Variants in USP37 observed in about 807,000 individuals in gnomAD.
USP37 encodes the protein ubiquitin carboxyl-terminal hydrolase 37.
Under a neutral mutation model 124.0 loss-of-function variants are expected in USP37, and 27 were observed. That is an observed-to-expected ratio of 0.22 (90% CI 0.16 to 0.30). The LOEUF (loss-of-function observed/expected upper bound fraction) is 0.30, where lower values mean the gene tolerates loss of function less well. USP37 is among the 10% of genes least tolerant of loss of function. The pLI is 1.00. For missense variants in USP37, 889 were observed against 1,140.4 expected (o/e 0.78, Z 3.17); for synonymous variants, 365 against 388.0 (o/e 0.94, Z 0.70).
At chr2:218,565,719 G>A (rs1049750269) in intron 1 of USP37, among the ~76,000 whole-genome samples, 4 of 152,206 alleles carry the variant, frequency 2.6e-5, no homozygotes, top group African/African-American at 9.6e-5. Flanking sequence ...TCTAATAGGA[G>A]ACAGACTTTA....
intron 1 of USP37, among the ~76,000 whole-genome samples, chr2:218,566,075 A>G (rs1470498951): frequency 1.3e-5 from 2 of 152,150 alleles, no homozygotes; most frequent in Non-Finnish European, 2.9e-5. Flanking sequence ...CAATAATTAC[A>G]AGTTCTGAGA....
In USP37 at chr2:218,506,963, A is replaced by AT. The variant is rs550063657; in HGVS notation, c.1025+3015dup. On this transcript the variant is annotated intron_variant, in intron 11 of 25. Transcript: ENST00000258399. ...AGGCACCCGCCACCACATCCAGCTA[A>AT]TTTTTTTGTATTTTTAGTAGAGACA... 2.5e-3 allele frequency among the ~76,000 whole-genome samples: 374 copies of AT among 151,524 alleles called. 3 individuals carry two copies. Among genetic ancestry groups the AT allele is most frequent in the African/African-American group, 8.5e-3 (351 of 41,326 alleles).
chr2:218,550,588 TTAAAC>T, intron 5 of USP37, among the ~76,000 whole-genome samples: 1 of 150,766 alleles, frequency 6.6e-6, no homozygotes, highest in East Asian at 1.9e-4. Context: ...ACATACAATT[TTAAAC>T]TAAACTGACA....
intron 8 of USP37, among the ~76,000 whole-genome samples, chr2:218,544,158 T>C (rs1467778276): frequency 6.6e-6 from 1 of 151,774 alleles, no homozygotes; most frequent in Non-Finnish European, 1.5e-5. Flanking sequence ...GGCGGGCAGA[T>C]CACTTGAGGT....
chr2:218,463,428 A>T (rs1690135210), intron 21 of USP37, 62 bp from the exon 22 acceptor site: 1 of 1,471,926 alleles, frequency 6.8e-7, no homozygotes, highest in African/African-American at 1.4e-5. Context: ...TTACTTAATG[A>T]GGATAAAATC....
intron 10 of USP37, among the ~76,000 whole-genome samples, chr2:218,518,033 G>A (rs183935939): frequency 6.6e-6 from 1 of 151,658 alleles, no homozygotes; most frequent in Non-Finnish European, 1.5e-5. Flanking sequence ...ACAGCTCATT[G>A]CAGTTTTGAC....
chr2:218,524,671 GCGTTTTCGGCTCACTGCAACCT>G (rs1690856088), intron 10 of USP37, among the ~76,000 whole-genome samples: 1 of 152,094 alleles, frequency 6.6e-6, no homozygotes, highest in South Asian at 2.1e-4. Flanking sequence ...GTGCAGTGGC[GCGTTTTCGGCTCACTGCAACCT>G]CTGCCTCCTG....
At chr2:218,563,068 CAGG>C (rs1443434943) in intron 1 of USP37, among the ~76,000 whole-genome samples, 8 of 150,020 alleles carry the variant, frequency 5.3e-5, no homozygotes, top group African/African-American at 2.0e-4. Flanking sequence ...GAGGCTGAGG[CAGG>C]AGAATTGCTT....
chr2:218,551,514 C>G (rs924732026), intron 5 of USP37, among the ~76,000 whole-genome samples: 3 of 152,200 alleles, frequency 2.0e-5, no homozygotes, highest in African/African-American at 7.2e-5. Flanking sequence ...AGTGACTTAC[C>G]TAAAACCACA....
intron 11 of USP37, among the ~76,000 whole-genome samples, chr2:218,505,072 T>C (rs959080828): frequency 1.3e-5 from 2 of 152,182 alleles, no homozygotes; most frequent in Non-Finnish European, 2.9e-5. Flanking sequence ...TAGAGTGCAG[T>C]GGTGTGACCA....
intron 4 of USP37, among the ~76,000 whole-genome samples, chr2:218,556,396 T>C (rs1692975018): frequency 1.3e-5 from 2 of 152,136 alleles, no homozygotes; most frequent in South Asian, 4.1e-4. Flanking sequence ...AACTTCTATT[T>C]ATTCTTTGAA....
In USP37 at chr2:218,450,712, G is replaced by A. The variant is rs1407972083; in HGVS notation, c.*4218C>T. ...TTAGTTGACTGTTCTTCTTTGTTCT[G>A]GCATCTGACTGGACCAACCTGGAAC... On this transcript the variant is annotated 3_prime_UTR_variant, in exon 26 of 26. Coordinates refer to ENST00000258399, the MANE Select transcript of USP37 (RefSeq NM_020935.3). 6.6e-6 allele frequency: 1 copy of A among 152,122 alleles called. No individual in the cohort carries two copies. The highest frequency in any genetic ancestry group is 6.6e-5 in the Admixed American group (1 of 15,250). 9.4% of individuals were successfully genotyped at this position (152,122 alleles called of 1,614,324 possible). A position where few individuals can be genotyped will look rare whatever the true frequency, so the allele number is the denominator to read the frequency against.
chr2:218,518,473 A>T (rs369819704), intron 10 of USP37, among the ~76,000 whole-genome samples: 2 of 152,324 alleles, frequency 1.3e-5, no homozygotes, highest in African/African-American at 4.8e-5. Context: ...GTATTTAATC[A>T]AATCTAAGAT....
At chr2:218,506,001 C>G (rs1158241385) in intron 11 of USP37, among the ~76,000 whole-genome samples, 1 of 151,656 alleles carries the variant, frequency 6.6e-6, no homozygotes, top group African/African-American at 2.4e-5. Flanking sequence ...GTATCTGGGA[C>G]CAGAGGTGCA....
chr2:218,461,968 C>T (rs1426239068), intron 22 of USP37, among the ~76,000 whole-genome samples: 2 of 152,132 alleles, frequency 1.3e-5, no homozygotes, highest in Admixed American at 1.3e-4. Context: ...ACCTGCCTGG[C>T]CAACATGGTG....
intron 1 of USP37, among the ~76,000 whole-genome samples, chr2:218,564,737 CTTG>C (rs1693493982): frequency 6.6e-6 from 1 of 152,128 alleles, no homozygotes; most frequent in African/African-American, 2.4e-5. Flanking sequence ...ATAACAAACA[CTTG>C]TTAAGTGCTA....
intron 11 of USP37, among the ~76,000 whole-genome samples, chr2:218,507,305 G>A (rs940852593): frequency 2.2e-4 from 34 of 151,770 alleles, no homozygotes; most frequent in African/African-American, 8.2e-4. Context: ...TTACAAGCTT[G>A]TGCCACCATG....
At chr2:218,456,256 T>C (rs1689691892) in intron 24 of USP37, among the ~76,000 whole-genome samples, 1 of 151,260 alleles carries the variant, frequency 6.6e-6, no homozygotes, top group Non-Finnish European at 1.5e-5. Context: ...TGAAACCAGC[T>C]TGGGCAACAA....
intron 10 of USP37, among the ~76,000 whole-genome samples, chr2:218,511,655 G>A (rs902635761): frequency 2.0e-5 from 3 of 149,442 alleles, no homozygotes; most frequent in African/African-American, 7.4e-5. Context: ...CCATGTTGCC[G>A]AGCCTGGTCT....
Sources: gnomAD v4.1 joint callset for allele counts (sites outside exome capture counted in the v4.1 genomes callset) on GRCh38, gnomAD v4.1.1 for gene constraint, MANE v1.5 for transcripts, NCBI Gene and HGNC (gene_info 2026-07-23, HGNC 2026-07-21) for gene names.